The following SAFB2 variants were observed in gnomAD, a reference collection of about 807,000 sequenced individuals.
SAFB2 encodes scaffold attachment factor B2.
Under a neutral mutation model 100.6 loss-of-function variants are expected in SAFB2, and 32 were observed. That is an observed-to-expected ratio of 0.32 (90% CI 0.24 to 0.43). The LOEUF (loss-of-function observed/expected upper bound fraction) is 0.43. Among genes scored for constraint, SAFB2 ranks in the 20% least tolerant of loss-of-function variants. The pLI is 1.00. For synonymous variants in SAFB2, 500 were observed against 439.4 expected (o/e 1.14, Z -1.72); for missense variants, 1,185 against 1,163.4 (o/e 1.02, Z -0.27).
In SAFB2 at chr19:5,600,222, T is replaced by C; in HGVS notation, c.1598A>G (p.Glu533Gly). The change falls in exon 12 of 21, where the codon GAG becomes GGG. Residue 533 changes from glutamate (E) to glycine (G), a missense_variant. Coordinates refer to ENST00000252542, the MANE Select transcript of SAFB2 (RefSeq NM_014649.3). ...IKKEEKIEKK[E>G]EKKPEDIKKE... ...CTTAATGTCTTCAGGCTTTTTTTCC[T>C]CCTTCTTCTCAATCTTCTCTTCCTT... is the stretch of plus-strand genomic sequence containing the variant. The C allele has an allele frequency of 6.2e-7, 1 of 1,613,288 alleles. No individual in the cohort carries two copies. The highest frequency in any genetic ancestry group is 8.5e-7 in the Non-Finnish European group (1 of 1,179,466).
At chr19:5,609,551 G>A (rs778043446) in intron 9 of SAFB2, among the ~76,000 whole-genome samples, 9 of 152,026 alleles carry the variant, frequency 5.9e-5, no homozygotes, top group Non-Finnish European at 7.4e-5. Flanking sequence ...TGATACGCCC[G>A]CCTCGGCCTC....
chr19:5,605,570 G>C (rs1247192475), intron 9 of SAFB2, among the ~76,000 whole-genome samples: 1 of 152,142 alleles, frequency 6.6e-6, no homozygotes, highest in African/African-American at 2.4e-5. Context: ...CAGCTGTGGG[G>C]CTACTAAGAA....
chr19:5,614,863 C>G (rs2052988460), intron 4 of SAFB2, among the ~76,000 whole-genome samples: 1 of 152,198 alleles, frequency 6.6e-6, no homozygotes. Flanking sequence ...AGGGTTGATA[C>G]TTGTCTTCAC....
intron 13 of SAFB2, among the ~76,000 whole-genome samples, chr19:5,598,091 C>T (rs145267010): frequency 0.011 from 1,601 of 148,332 alleles, 35 homozygotes; most frequent in African/African-American, 0.036. Context: ...GCAGAGATCA[C>T]GCCACTGCAC....
rs775993319 is a variant in SAFB2, at chr19:5,616,345, GGAA to G, written c.340-13_340-11del. 8 of 1,614,074 alleles carry G rather than the reference GGAA, an allele frequency of 5.0e-6. No homozygotes were observed. Among genetic ancestry groups the G allele is most frequent in the East Asian group, 2.2e-5 (1 of 44,886 alleles). On this transcript the variant is annotated splice_polypyrimidine_tract_variant and intron_variant, in intron 3 of 20. Coordinates refer to ENST00000252542, the MANE Select transcript of SAFB2 (RefSeq NM_014649.3). ...TTGCTTCCATGTCCTCCTGTAAAGAGGAAGAAGAATCGTTAACGACCACCTGGA... is the reference window on the plus strand; with the variant it reads ...TTGCTTCCATGTCCTCCTGTAAAGAGGAAGAATCGTTAACGACCACCTGGA...
intron 4 of SAFB2, among the ~76,000 whole-genome samples, chr19:5,613,956 T>A (rs1217336686): frequency 1.3e-5 from 2 of 152,210 alleles, no homozygotes; most frequent in Non-Finnish European, 2.9e-5. Context: ...CATTCATTCA[T>A]TCACTCATTC....
intron 13 of SAFB2, among the ~76,000 whole-genome samples, chr19:5,595,704 T>A (rs1340543740): frequency 6.6e-6 from 1 of 152,214 alleles, no homozygotes; most frequent in Non-Finnish European, 1.5e-5. Flanking sequence ...TGCTTTCAGA[T>A]GTCAAGGGGC....
chr19:5,595,348 C>T lies in SAFB2; in HGVS notation c.1919+13G>A, dbSNP rs1045243876. 1 of 1,606,894 alleles carries T rather than the reference C, an allele frequency of 6.2e-7. No homozygotes were observed. The highest frequency in any genetic ancestry group is 1.1e-5 in the South Asian group (1 of 90,974). ...GAAACCACCAGCCCACAGCCTCACC[C>T]AGCTCCACTCACCGCCGCCTCTCCG... On this transcript the variant is annotated intron_variant, in intron 14 of 20. Transcript: ENST00000252542.
intron 9 of SAFB2, among the ~76,000 whole-genome samples, chr19:5,609,660 C>G (rs149327291): frequency 4.6e-4 from 70 of 152,292 alleles, no homozygotes; most frequent in South Asian, 3.9e-3. Context: ...GAAAGAACCC[C>G]AAGAACATTG....
chr19:5,590,487 C>T (rs1599224510), intron 17 of SAFB2, 79 bp from the exon 18 acceptor site: 1 of 1,465,352 alleles, frequency 6.8e-7, no homozygotes, highest in Non-Finnish European at 9.1e-7. Context: ...CTGTCCACTG[C>T]AGGCCCCAGG....
chr19:5,606,836 A>G (rs1224287114), intron 9 of SAFB2, among the ~76,000 whole-genome samples: 1 of 152,246 alleles, frequency 6.6e-6, no homozygotes, highest in Non-Finnish European at 1.5e-5. Context: ...CCTGCACTAC[A>G]GGAAACATTC....
chr19:5,591,857 G>A (rs1249292948), intron 16 of SAFB2, 64 bp from the exon 17 acceptor site: 1 of 1,517,268 alleles, frequency 6.6e-7, no homozygotes, highest in African/African-American at 1.4e-5. Context: ...TGCAGGTCAG[G>A]CAAGTTTCGC....
At chr19:5,589,477 G>A (rs551930094) in intron 18 of SAFB2, among the ~76,000 whole-genome samples, 3 of 152,128 alleles carry the variant, frequency 2.0e-5, no homozygotes, top group South Asian at 2.1e-4. Context: ...ACCCTGTGGC[G>A]CTGGGCAGGG....
chr19:5,616,185 CTTT>C lies in SAFB2; in HGVS notation c.487_489del (p.Lys163del). 1 of 1,614,228 alleles carries C rather than the reference CTTT, an allele frequency of 6.2e-7. No homozygotes were observed. The highest frequency in any genetic ancestry group is 8.5e-7 in the Non-Finnish European group (1 of 1,180,040). The stretch of plus-strand genomic sequence containing the variant: ...TGTCTCAGCTGTGCAGCCACGTATT[CTTT>C]ACTATCACAAAAGGAATCGAGAAGG... On this transcript the variant is annotated inframe_deletion, in exon 4 of 21. Coordinates refer to ENST00000252542, the MANE Select transcript of SAFB2 (RefSeq NM_014649.3).
chr19:5,595,565 C>T, intron 13 of SAFB2, 68 bp from the exon 14 acceptor site: 17 of 1,572,150 alleles, frequency 1.1e-5, no homozygotes, highest in Non-Finnish European at 1.5e-5. Context: ...GGAGATTATG[C>T]ACGTGTGCAT....
intron 7 of SAFB2, 55 bp from the exon 8 acceptor site, chr19:5,610,743 C>T: frequency 4.0e-6 from 5 of 1,250,512 alleles, no homozygotes; most frequent in Non-Finnish European, 5.7e-6. Flanking sequence ...GAGAACAAAA[C>T]TAAAAATATG....
intron 16 of SAFB2, 97 bp from the exon 17 acceptor site, chr19:5,591,890 C>T: frequency 8.5e-7 from 1 of 1,180,880 alleles, no homozygotes; most frequent in Non-Finnish European, 1.3e-6. Context: ...TTTTCCATCC[C>T]ATCACATAAA....
intron 4 of SAFB2, among the ~76,000 whole-genome samples, chr19:5,614,780 C>CT (rs1298777512): frequency 1.3e-5 from 2 of 152,224 alleles, no homozygotes; most frequent in Non-Finnish European, 2.9e-5. Context: ...AAGTGAAAAG[C>CT]TGGGAAAGCC....
At chr19:5,610,587 C>T (rs1758874051) in intron 8 of SAFB2, 52 bp downstream of exon 8, 1 of 1,376,538 alleles carries the variant, frequency 7.3e-7, no homozygotes, top group African/African-American at 1.4e-5. Context: ...GCCCCTCCTC[C>T]CAAAATAAGG....
Sources: allele counts gnomAD v4.1 joint callset (sites outside exome capture counted in the v4.1 genomes callset), GRCh38; gene constraint gnomAD v4.1.1; transcripts MANE v1.5; gene names NCBI Gene and HGNC (gene_info 2026-07-23, HGNC 2026-07-21).